The following DPF3 variants were observed in gnomAD, a reference collection of about 807,000 sequenced individuals.
DPF3 encodes the protein zinc finger protein DPF3.
A neutral mutation model predicts 56.8 loss-of-function variants in DPF3; 18 were observed. That is an observed-to-expected ratio of 0.32 (90% confidence interval 0.22 to 0.47). The LOEUF is 0.47. Among genes scored for constraint, DPF3 ranks in the 20% least tolerant of loss-of-function variants. DPF3 has a pLI of 1.00. For missense variants in DPF3, 403 were observed against 488.8 expected, an observed-to-expected ratio of 0.82 and a Z score of 1.65; for synonymous variants, 188 against 180.2, an observed-to-expected ratio of 1.04 and a Z score of -0.35.
chr14:72,664,014 A>C (rs1324875300), intron 8 of DPF3, among the ~76,000 whole-genome samples: 1 of 151,080 alleles, frequency 6.6e-6, no homozygotes. Flanking sequence ...ATCCCACCCC[A>C]CTGTCTCCCT....
chr14:72,828,229 T>C (rs1883897061), intron 1 of DPF3, among the ~76,000 whole-genome samples: 1 of 152,230 alleles, frequency 6.6e-6, no homozygotes, highest in Non-Finnish European at 1.5e-5. Flanking sequence ...CTAAGCACCA[T>C]GCTGGGTACA....
At chr14:72,842,740 T>C (rs909124873) in intron 1 of DPF3, among the ~76,000 whole-genome samples, 4 of 152,230 alleles carry the variant, frequency 2.6e-5, no homozygotes, top group Admixed American at 2.0e-4. Context: ...AACATGATTG[T>C]GAGCTGGGCA....
Position 72,714,373 on chromosome 14 carries a change from T to C in DPF3, c.604+50A>G, listed in dbSNP as rs1888802791. 6.8e-6 allele frequency: 11 copies of C among 1,606,906 alleles called. No individual in the cohort carries two copies. The East Asian group carries it at 2.5e-4, about 36-fold the overall frequency. On this transcript the variant is annotated intron_variant, in intron 6 of 10. Coordinates refer to ENST00000556509, the MANE Select transcript of DPF3 (RefSeq NM_001280542.3). ...AAGGAAGCACAGGGAAGAGGGGCCC[T>C]GGGGGCAGGCGCACAGGGAGGAAGG...
At chr14:72,786,818 T>A (rs559139514) in intron 1 of DPF3, among the ~76,000 whole-genome samples, 2 of 152,358 alleles carry the variant, frequency 1.3e-5, no homozygotes, top group South Asian at 4.1e-4. Context: ...TAATTATTGT[T>A]AACTACAGCA....
chr14:72,859,761 C>T (rs1885322768), intron 1 of DPF3, among the ~76,000 whole-genome samples: 1 of 152,128 alleles, frequency 6.6e-6, no homozygotes, highest in African/African-American at 2.4e-5. Context: ...GCTACCTTCA[C>T]AGAGTTTTCA....
In DPF3 at chr14:72,661,655, A is replaced by G. The variant is rs561353436; in HGVS notation, c.871+12585T>C. 54 of 985,198 alleles carry G rather than the reference A, an allele frequency of 5.5e-5. No homozygotes were observed. In the South Asian group the frequency reaches 2.3e-3, roughly 41 times the overall value. 61.0% of individuals were successfully genotyped at this position (985,198 alleles called of 1,614,324 possible). ...CAGCCAGAAAGGGCCATGTTAGAAC[A>G]CCCGCCGTCTTCCTTGGCTCCCACC... On this transcript the variant is annotated intron_variant, in intron 8 of 10. Transcript: ENST00000556509.
rs771291242 is a variant in DPF3 at position 72,619,235 on chromosome 14, G to A, written c.*62C>T. 31 of 1,500,898 alleles carry A rather than the reference G, an allele frequency of 2.1e-5. No homozygotes were observed. Among genetic ancestry groups the A allele is most frequent in the Non-Finnish European group, 2.5e-5 (28 of 1,118,600 alleles). 93.0% of individuals were successfully genotyped at this position (1,500,898 alleles called of 1,614,324 possible). A position where few individuals can be genotyped will look rare whatever the true frequency, so the allele number is the denominator to read the frequency against. ...GATATGTGGGAGGAGGGCGCGTTCT[G>A]GTTTGAACTGGGCTCTGCTTTAGGA... is the stretch of plus-strand genomic sequence containing the variant. On this transcript the variant is annotated 3_prime_UTR_variant, in exon 11 of 11. Coordinates refer to ENST00000556509, the MANE Select transcript of DPF3 (RefSeq NM_001280542.3).
chr14:72,845,864 G>A (rs762091921), intron 1 of DPF3, among the ~76,000 whole-genome samples: 1 of 152,124 alleles, frequency 6.6e-6, no homozygotes, highest in African/African-American at 2.4e-5. Context: ...ACCCCCTGCA[G>A]ATCAGAGGAC....
At chr14:72,735,283 C>T (rs564764399) in intron 3 of DPF3, among the ~76,000 whole-genome samples, 4 of 152,308 alleles carry the variant, frequency 2.6e-5, no homozygotes, top group Admixed American at 6.5e-5. Flanking sequence ...CTGCTCTATA[C>T]GATCATCCCC....
chr14:72,679,065 A>G (rs1299148822), intron 7 of DPF3: 1 of 152,230 alleles, frequency 6.6e-6, no homozygotes, highest in African/African-American at 2.4e-5. Flanking sequence ...CTGGAAAGGT[A>G]TCAGTGCTCG....
At chr14:72,715,336 A>T (rs1166264496) in intron 5 of DPF3, among the ~76,000 whole-genome samples, 4 of 152,176 alleles carry the variant, frequency 2.6e-5, no homozygotes, top group Non-Finnish European at 4.4e-5. Flanking sequence ...GGCGGTGGTG[A>T]CAAGAACACA....
intron 1 of DPF3, among the ~76,000 whole-genome samples, chr14:72,827,570 A>T: frequency 7.2e-6 from 1 of 137,996 alleles, no homozygotes; most frequent in Non-Finnish European, 1.5e-5. Context: ...CCGCCTCCCA[A>T]GTTCAAGCGA....
chr14:72,819,954 T>C (rs1202164505), intron 1 of DPF3, among the ~76,000 whole-genome samples: 1 of 152,046 alleles, frequency 6.6e-6, no homozygotes, highest in East Asian at 1.9e-4. Flanking sequence ...AAACAAAAGG[T>C]AGATAGTGTA....
At chr14:72,649,803 A>C (rs1885849176) in intron 8 of DPF3, among the ~76,000 whole-genome samples, 1 of 152,232 alleles carries the variant, frequency 6.6e-6, no homozygotes, top group Admixed American at 6.5e-5. Context: ...TTATAGACAA[A>C]GAAGCTGAAG....
At chr14:72,880,770 T>G (rs1337332877) in intron 1 of DPF3, among the ~76,000 whole-genome samples, 1 of 152,154 alleles carries the variant, frequency 6.6e-6, no homozygotes, top group Non-Finnish European at 1.5e-5. Flanking sequence ...CTCGAACTCC[T>G]GGGCTCAAGC....
At chr14:72,854,910 CCTT>C (rs756617371) in intron 1 of DPF3, among the ~76,000 whole-genome samples, 5 of 152,314 alleles carry the variant, frequency 3.3e-5, no homozygotes, top group African/African-American at 7.2e-5. Context: ...GCATAGTTGT[CCTT>C]CTGATTCTAC....
intron 4 of DPF3, among the ~76,000 whole-genome samples, chr14:72,725,171 G>T (rs981496685): frequency 1.3e-5 from 2 of 152,162 alleles, no homozygotes; most frequent in African/African-American, 4.8e-5. Context: ...TGCTAGGCAA[G>T]CTGCAAAATG....
intron 3 of DPF3, among the ~76,000 whole-genome samples, chr14:72,736,362 A>G (rs1889894809): frequency 6.6e-6 from 1 of 152,264 alleles, no homozygotes; most frequent in Non-Finnish European, 1.5e-5. Flanking sequence ...ACCAGCTACC[A>G]TAATGGACAG....
At chr14:72,683,479 G>T (rs1352511716) in intron 7 of DPF3, among the ~76,000 whole-genome samples, 1 of 151,428 alleles carries the variant, frequency 6.6e-6, no homozygotes, top group African/African-American at 2.4e-5. Flanking sequence ...TAATTGGTGT[G>T]ACAGTCATGT....
Sources: gnomAD v4.1 joint callset for allele counts (sites outside exome capture counted in the v4.1 genomes callset) on GRCh38, gnomAD v4.1.1 for gene constraint, MANE v1.5 for transcripts, NCBI Gene and HGNC (gene_info 2026-07-23, HGNC 2026-07-21) for gene names.